The following CPAP variants were observed in gnomAD, a reference collection of about 807,000 sequenced individuals.
CPAP encodes the protein centrosome assembly and centriole elongation protein, also known as centrosomal P4.1-associated protein.
chr13:24,885,533 T>G, the CPAP span: 12 of 1,277,806 alleles, frequency 9.4e-6, no homozygotes, highest in Admixed American at 1.7e-5. Flanking sequence ...TTTAGAAACG[T>G]TAAGTCTATT....
chr13:24,883,209 C>A, the CPAP span: 1 of 1,614,080 alleles, frequency 6.2e-7, no homozygotes, highest in South Asian at 1.1e-5. Context: ...ACATTACCCT[C>A]CTTGTCCTTA....
chr13:24,918,204 A>G, the CPAP span, among the ~76,000 whole-genome samples: 5 of 152,214 alleles, frequency 3.3e-5, no homozygotes, highest in Non-Finnish European at 7.3e-5. Flanking sequence ...CAGAACAGTG[A>G]AGGAAAAAAG....
At chr13:24,892,993 C>G in the CPAP span, 1 of 757,564 alleles carries the variant, frequency 1.3e-6, no homozygotes. Context: ...AGTCAACAGA[C>G]GACATTTAAG....
chr13:24,908,433 T>TTCC, the CPAP span, among the ~76,000 whole-genome samples: 1 of 5,064 alleles, frequency 2.0e-4, no homozygotes, highest in Non-Finnish European at 5.1e-4. Context: ...ACCCCGTCTC[T>TTCC]ACAAAAAAAA....
the CPAP span, chr13:24,910,161 A>G: frequency 7.3e-7 from 1 of 1,363,374 alleles, no homozygotes; most frequent in African/African-American, 1.4e-5. Context: ...AGTGACCCCC[A>G]CCCCACAAAG....
the CPAP span, chr13:24,925,903 G>T: frequency 6.5e-6 from 1 of 152,682 alleles, no homozygotes; most frequent in Non-Finnish European, 1.5e-5. Context: ...CCCTGAAAGG[G>T]GAACAATAAT....
the CPAP span, among the ~76,000 whole-genome samples, chr13:24,916,569 T>C: frequency 6.6e-6 from 1 of 152,160 alleles, no homozygotes; most frequent in Non-Finnish European, 1.5e-5. Context: ...AAACAGAAAC[T>C]CTTTTTTGCT....
At chr13:24,919,249 T>C in the CPAP span, among the ~76,000 whole-genome samples, 1 of 152,194 alleles carries the variant, frequency 6.6e-6, no homozygotes, top group Non-Finnish European at 1.5e-5. Flanking sequence ...ACCATCCAGG[T>C]TCAAAGCCAT....
chr13:24,899,668 C>G, the CPAP span: 1 of 1,010,542 alleles, frequency 9.9e-7, no homozygotes, highest in Non-Finnish European at 1.5e-6. Context: ...CTAGTAACTG[C>G]TAGTCCTAGT....
the CPAP span, among the ~76,000 whole-genome samples, chr13:24,891,838 T>C: frequency 6.6e-6 from 1 of 152,142 alleles, no homozygotes; most frequent in Non-Finnish European, 1.5e-5. Flanking sequence ...CCCCGAGGGC[T>C]GGCCCACCGC....
At chr13:24,904,131 C>T in the CPAP span, 1 of 1,497,582 alleles carries the variant, frequency 6.7e-7, no homozygotes, top group East Asian at 2.3e-5. Context: ...TAGCTAGTAA[C>T]ACTAAGAGCC....
chr13:24,882,988 G>GAATT, the CPAP span: 14 of 606,680 alleles, frequency 2.3e-5, no homozygotes, highest in African/African-American at 3.7e-5. Context: ...ACAGGGTAGT[G>GAATT]AATTATAAAT....
chr13:24,902,609 T>C, the CPAP span, among the ~76,000 whole-genome samples: 1 of 152,226 alleles, frequency 6.6e-6, no homozygotes, highest in Non-Finnish European at 1.5e-5. Flanking sequence ...TTAGAATTCA[T>C]ATTTTTCAGG....
At chr13:24,889,716 G>A in the CPAP span, among the ~76,000 whole-genome samples, 11 of 152,176 alleles carry the variant, frequency 7.2e-5, no homozygotes, top group African/African-American at 2.2e-4. Flanking sequence ...CATGGTGTTC[G>A]AGAACAAAGC....
chr13:24,883,121 TAC>T, the CPAP span: 8 of 1,403,982 alleles, frequency 5.7e-6, no homozygotes, highest in Non-Finnish European at 8.1e-6. Flanking sequence ...ACAGTAAATG[TAC>T]ATTTTTTAAC....
At chr13:24,922,085 A>T in the CPAP span, among the ~76,000 whole-genome samples, 3 of 152,270 alleles carry the variant, frequency 2.0e-5, no homozygotes, top group African/African-American at 7.2e-5. Context: ...AATGCATTTA[A>T]ACATGTGCCA....
the CPAP span, among the ~76,000 whole-genome samples, chr13:24,892,457 C>T: frequency 1.3e-5 from 2 of 152,148 alleles, no homozygotes; most frequent in Admixed American, 6.5e-5. Flanking sequence ...GTGCAACCAT[C>T]GCCCTCCATC....
chr13:24,893,648 G>A, the CPAP span, among the ~76,000 whole-genome samples: 5 of 152,206 alleles, frequency 3.3e-5, no homozygotes, highest in African/African-American at 1.2e-4. Context: ...CTTAAAACAA[G>A]GTAAGATCCA....
chr13:24,910,276 T>G, the CPAP span, among the ~76,000 whole-genome samples: 1 of 152,242 alleles, frequency 6.6e-6, no homozygotes, highest in Non-Finnish European at 1.5e-5. Flanking sequence ...AAGGCTGAAG[T>G]GCAGTGGTGC....
Sources: gnomAD v4.1 joint callset for allele counts (sites outside exome capture counted in the v4.1 genomes callset) on GRCh38, gnomAD v4.1.1 for gene constraint, MANE v1.5 for transcripts, NCBI Gene and HGNC (gene_info 2026-07-23, HGNC 2026-07-21) for gene names.